GATM: variants seen among roughly 807,000 people sequenced by gnomAD.
GATM encodes glycine amidinotransferase, mitochondrial.
A neutral mutation model predicts 54.2 loss-of-function variants in GATM; 23 were observed. The observed-to-expected ratio is 0.42, with a 90% CI of 0.31 to 0.60. GATM has a LOEUF of 0.60. Among genes scored for constraint, GATM ranks in the 20% least tolerant of loss-of-function variants. GATM has a pLI of 0.14. For missense variants in GATM, 401 were observed against 544.9 expected, an observed-to-expected ratio of 0.74 and a Z score of 2.63; for synonymous variants, 168 against 183.1, an observed-to-expected ratio of 0.92 and a Z score of 0.67.
chr15:45,363,772 CT>C (rs1889403123), intron 8 of GATM, 127 bp downstream of exon 8: 1 of 680,384 alleles, frequency 1.5e-6, no homozygotes, highest in South Asian at 1.6e-5. Context: ...GAAATAATAA[CT>C]TGGTGCCTCT....
chr15:45,372,941 C>T lies in GATM; in HGVS notation c.289-3420G>A, dbSNP rs574447209. 8.5e-4 allele frequency among the ~76,000 whole-genome samples: 130 copies of T among 152,318 alleles called. 1 individual carries two copies. Among genetic ancestry groups the T allele is most frequent in the African/African-American group, 2.9e-3 (122 of 41,564 alleles). ...GCAAGATGATGAACACTATATTAGA[C>T]GCTTAGCATATGATGCTTTTAATAA... On this transcript the variant is annotated intron_variant, in intron 2 of 8. Transcript: ENST00000396659.
chr15:45,395,805 A>C lies in GATM; in HGVS notation c.-319+1117T>G, dbSNP rs141116760. ...CCACCATTGTACTATAGTGCTCTGG[A>C]TGTCATTCCCTCCCATTTACCGCAC... On this transcript the variant is annotated intron_variant, in intron 3 of 4. Coordinates refer to the GATM transcript ENST00000561148. 3.5e-3 allele frequency among the ~76,000 whole-genome samples: 532 copies of C among 152,278 alleles called. 4 individuals are homozygous for C. Among genetic ancestry groups the C allele is most frequent in the African/African-American group, 0.012 (490 of 41,554 alleles).
chr15:45,370,965 G>C (rs1889533161), intron 2 of GATM, among the ~76,000 whole-genome samples: 1 of 152,132 alleles, frequency 6.6e-6, no homozygotes, highest in African/African-American at 2.4e-5. Flanking sequence ...AGTAGAGACA[G>C]GGTTTCACCA....
upstream of GATM, among the ~76,000 whole-genome samples, chr15:45,381,080 T>A (rs143662277): frequency 1.0e-3 from 153 of 152,358 alleles, no homozygotes; most frequent in African/African-American, 3.6e-3. Context: ...CTGCAAAGTA[T>A]CTATATAGTG....
upstream of GATM, chr15:45,378,822 A>C (rs1226651202): frequency 4.0e-6 from 1 of 249,836 alleles, no homozygotes; most frequent in Non-Finnish European, 7.6e-6. Flanking sequence ...GCAGGACGCG[A>C]CTTCTGACGA....
chr15:45,400,758 A>C (rs1889991785), intron 1 of GATM, among the ~76,000 whole-genome samples: 1 of 152,166 alleles, frequency 6.6e-6, no homozygotes, highest in Non-Finnish European at 1.5e-5. Flanking sequence ...CTGCACTGTA[A>C]ATATAAGTAA....
chr15:45,377,335 T>C, intron 1 of GATM: 1 of 429,668 alleles, frequency 2.3e-6, no homozygotes, highest in South Asian at 1.7e-5. Context: ...TCTTTCAGAA[T>C]AACCAGCTTC....
At position 45,392,532 on chromosome 15, in the gene GATM, G is replaced by C. The variant is rs138554383; in HGVS notation, c.-319+4390C>G. On this transcript the variant is annotated intron_variant, in intron 3 of 4. Transcript: ENST00000561148. ...TAGGTAAACACAGGATGAATCCTGAGAGCACCAAAGCACAGCATAGAAGAG... is the reference window on the plus strand; with the variant it reads ...TAGGTAAACACAGGATGAATCCTGACAGCACCAAAGCACAGCATAGAAGAG... Among the ~76,000 whole-genome samples, 3 of 152,314 alleles carry C rather than the reference G, an allele frequency of 2.0e-5. No homozygotes were observed. In the East Asian group the frequency reaches 5.8e-4, roughly 29 times the overall value.
At chr15:45,364,420 G>A in intron 7 of GATM, 1 of 294,616 alleles carries the variant, frequency 3.4e-6, no homozygotes, top group Non-Finnish European at 6.4e-6. Context: ...TGTAGTCCCA[G>A]CTACTTAGGA....
At chr15:45,388,190 GTCAGCCT>G (rs1889826524) in intron 3 of GATM, among the ~76,000 whole-genome samples, 1 of 152,118 alleles carries the variant, frequency 6.6e-6, no homozygotes, top group Admixed American at 6.6e-5. Context: ...TTCTGCACAA[GTCAGCCT>G]TCTAAACTTG....
chr15:45,391,315 G>C (rs892690534), intron 3 of GATM, among the ~76,000 whole-genome samples: 2 of 151,948 alleles, frequency 1.3e-5, no homozygotes, highest in African/African-American at 4.8e-5. Context: ...TAGAGGCTGA[G>C]GCAGGAGAAT....
At chr15:45,393,106 G>GT (rs1889889620) in intron 3 of GATM, among the ~76,000 whole-genome samples, 1 of 152,202 alleles carries the variant, frequency 6.6e-6, no homozygotes, top group African/African-American at 2.4e-5. Context: ...ATAGCAAATG[G>GT]TAGGAGCTCA....
At chr15:45,401,039 G>A (rs1009307458) in intron 1 of GATM, among the ~76,000 whole-genome samples, 1 of 152,116 alleles carries the variant, frequency 6.6e-6, no homozygotes, top group African/African-American at 2.4e-5. Flanking sequence ...AAGCCAATGG[G>A]ATTAAGAGGA....
intron 3 of GATM, among the ~76,000 whole-genome samples, chr15:45,388,314 C>A (rs1372333869): frequency 6.6e-6 from 1 of 152,166 alleles, no homozygotes; most frequent in African/African-American, 2.4e-5. Context: ...AAAGATAGTA[C>A]AGAGTTCCTG....
At chr15:45,376,011 C>T (rs985235435) in intron 2 of GATM, among the ~76,000 whole-genome samples, 1 of 152,130 alleles carries the variant, frequency 6.6e-6, no homozygotes, top group African/African-American at 2.4e-5. Context: ...TCATTTTTGA[C>T]AAAAGCCTTG....
intron 2 of GATM, among the ~76,000 whole-genome samples, chr15:45,371,792 AT>A (rs1344352772): frequency 6.6e-6 from 1 of 152,200 alleles, no homozygotes; most frequent in African/African-American, 2.4e-5. Context: ...TAAGACTGGA[AT>A]TGCTTAACAA....
upstream of GATM, chr15:45,378,716 T>C: frequency 2.8e-6 from 1 of 357,776 alleles, no homozygotes; most frequent in Non-Finnish European, 5.0e-6. Flanking sequence ...TGCCCTTTTT[T>C]AGCCAGCGGG....
intron 2 of GATM, among the ~76,000 whole-genome samples, chr15:45,374,364 C>CT (rs1360056940): frequency 3.3e-5 from 5 of 152,156 alleles, no homozygotes; most frequent in African/African-American, 1.2e-4. Context: ...ATATGAAAGT[C>CT]TATCATTTTA....
chr15:45,377,222 AC>A, intron 1 of GATM: 1 of 490,930 alleles, frequency 2.0e-6, no homozygotes, highest in South Asian at 1.5e-5. Flanking sequence ...TCAGCTGGGG[AC>A]GGAACCTCCT....
Sources: gnomAD v4.1 joint callset for allele counts (sites outside exome capture counted in the v4.1 genomes callset) on GRCh38, gnomAD v4.1.1 for gene constraint, MANE v1.5 for transcripts, NCBI Gene and HGNC (gene_info 2026-07-23, HGNC 2026-07-21) for gene names.